The following TNRC6C variants were observed in gnomAD, a reference collection of about 807,000 sequenced individuals.
TNRC6C encodes trinucleotide repeat containing adaptor 6C.
TNRC6C carries 20 observed loss-of-function variants against 153.7 expected under a neutral mutation model. The observed-to-expected ratio is 0.13, with a 90% confidence interval of 0.09 to 0.19. The LOEUF (loss-of-function observed/expected upper bound fraction) is 0.19. Among genes scored for constraint, TNRC6C ranks in the 10% least tolerant of loss-of-function variants. TNRC6C has a pLI of 1.00. For missense variants in TNRC6C, 1,987 were observed against 2,172.0 expected, an observed-to-expected ratio of 0.91 and a Z score of 1.69; for synonymous variants, 811 against 841.4, an observed-to-expected ratio of 0.96 and a Z score of 0.63.
At chr17:78,072,042 A>G (rs1775005203) in intron 6 of TNRC6C, among the ~76,000 whole-genome samples, 1 of 152,158 alleles carries the variant, frequency 6.6e-6, no homozygotes, top group Non-Finnish European at 1.5e-5. Flanking sequence ...TCCTTATTCA[A>G]ATTAGTGTTT....
intron 1 of TNRC6C, among the ~76,000 whole-genome samples, chr17:77,991,096 G>A (rs1364142388): frequency 1.3e-5 from 2 of 152,138 alleles, no homozygotes; most frequent in African/African-American, 2.4e-5. Context: ...GGGTTACCAG[G>A]GATGTATGTT....
At chr17:78,064,317 G>A (rs1053429101) in intron 3 of TNRC6C, among the ~76,000 whole-genome samples, 1 of 152,066 alleles carries the variant, frequency 6.6e-6, no homozygotes, top group Admixed American at 6.6e-5. Context: ...GACTGGTCTC[G>A]AACTCCTGAC....
At chr17:78,055,290 G>A (rs932085969) in intron 3 of TNRC6C, among the ~76,000 whole-genome samples, 3 of 152,058 alleles carry the variant, frequency 2.0e-5, no homozygotes, top group Admixed American at 1.3e-4. Context: ...ACACAGGGCC[G>A]GGATCTTCAG....
chr17:78,070,104 A>T (rs2072963228), intron 5 of TNRC6C, among the ~76,000 whole-genome samples: 1 of 152,240 alleles, frequency 6.6e-6, no homozygotes, highest in South Asian at 2.1e-4. Context: ...CAGAAACTAA[A>T]ATCAGAGCTC....
chr17:78,030,778 A>ATCAAC (rs1241927759), intron 1 of TNRC6C, among the ~76,000 whole-genome samples: 1 of 152,242 alleles, frequency 6.6e-6, no homozygotes, highest in African/African-American at 2.4e-5. Flanking sequence ...AACCAGCAGC[A>ATCAAC]TCAACATTGT....
At chr17:77,981,946 G>A (rs2071084412) in intron 1 of TNRC6C, among the ~76,000 whole-genome samples, 2 of 152,212 alleles carry the variant, frequency 1.3e-5, no homozygotes, top group South Asian at 4.1e-4. Context: ...AGATTTGTAT[G>A]TTGAAATTCT....
At chr17:78,012,795 C>T (rs1334400527) in intron 1 of TNRC6C, among the ~76,000 whole-genome samples, 8 of 152,186 alleles carry the variant, frequency 5.3e-5, no homozygotes, top group Admixed American at 3.9e-4. Context: ...AGTGAGGACC[C>T]AGCAGATGGT....
chr17:78,076,215 CAAAAAAAAAAAGAAAAAG>C (rs1364272763), intron 8 of TNRC6C, among the ~76,000 whole-genome samples: 22 of 103,642 alleles, frequency 2.1e-4, no homozygotes, highest in Non-Finnish European at 1.4e-4. Context: ...TACTCTGTCT[CAAAAAAAAAAAGAAAAAG>C]AAAAAAAAAA....
At chr17:77,970,920 G>T (rs1319006731) in intron 1 of TNRC6C, among the ~76,000 whole-genome samples, 1 of 151,978 alleles carries the variant, frequency 6.6e-6, no homozygotes. Context: ...GAGGTGGGAG[G>T]ATCACTTGAG....
At chr17:78,106,055 GAAAAA>G (rs57845014) in exon 20 of TNRC6C, 1 of 135,342 alleles carries the variant, frequency 7.4e-6, no homozygotes, top group Non-Finnish European at 1.6e-5. Flanking sequence ...AAGTTAAAGA[GAAAAA>G]AAAAAAAAAC....
chr17:77,993,214 T>G (rs1301984681), intron 1 of TNRC6C, among the ~76,000 whole-genome samples: 2 of 152,176 alleles, frequency 1.3e-5, no homozygotes, highest in Non-Finnish European at 2.9e-5. Flanking sequence ...CACCCGCCTC[T>G]GCCTCCCAAA....
intron 1 of TNRC6C, among the ~76,000 whole-genome samples, chr17:77,962,760 A>C (rs1255432329): frequency 6.6e-6 from 1 of 152,172 alleles, no homozygotes; most frequent in Non-Finnish European, 1.5e-5. Flanking sequence ...CTCCAGCTCT[A>C]TCTCAGAGGG....
exon 4 of TNRC6C, chr17:78,064,853 G>T (rs761558789): frequency 1.2e-6 from 2 of 1,613,254 alleles, no homozygotes; most frequent in African/African-American, 2.7e-5. Flanking sequence ...CAGTGGCAGC[G>T]GGTGGGGAGA....
At chr17:78,025,651 A>AAT (rs1315352939) in intron 1 of TNRC6C, among the ~76,000 whole-genome samples, 3 of 151,956 alleles carry the variant, frequency 2.0e-5, no homozygotes, top group African/African-American at 7.2e-5. Flanking sequence ...TTATCAGGAA[A>AAT]ATATATATAT....
chr17:78,034,952 G>A lies in TNRC6C; in HGVS notation c.-219+3110G>A, dbSNP rs376879001. 2.6e-5 allele frequency among the ~76,000 whole-genome samples: 4 copies of A among 152,036 alleles called. No homozygotes were observed. The East Asian group carries it at 7.7e-4, about 29-fold the overall frequency. ...TCACTGCATTCCAGCCTGGGCAACAGGAAAAAATAAATAACGTCTCTGAGC... is the reference window on the plus strand; with the variant it reads ...TCACTGCATTCCAGCCTGGGCAACAAGAAAAAATAAATAACGTCTCTGAGC... On this transcript the variant is annotated intron_variant, in intron 2 of 19. Transcript: ENST00000301624.
intron 1 of TNRC6C, among the ~76,000 whole-genome samples, chr17:77,986,225 G>C (rs2071165254): frequency 6.6e-6 from 1 of 152,146 alleles, no homozygotes; most frequent in South Asian, 2.1e-4. Flanking sequence ...AGACCATCCT[G>C]ACCAACATGG....
At chr17:77,996,387 A>G (rs1023903814) in intron 1 of TNRC6C, among the ~76,000 whole-genome samples, 6 of 152,204 alleles carry the variant, frequency 3.9e-5, no homozygotes, top group African/African-American at 1.4e-4. Context: ...CTGGAAAACT[A>G]GGACACAACC....
At chr17:78,048,800 A>G (rs2072460740) in intron 2 of TNRC6C, 45 bp from the exon 5 acceptor site, 2 of 1,232,696 alleles carry the variant, frequency 1.6e-6, no homozygotes, top group East Asian at 3.1e-5. Flanking sequence ...TTCATTGACA[A>G]ATGAGTAGAA....
At chr17:78,056,865 T>TTTTTTTTTTTTTTTTTTTTTTTTG (rs1439622578) in intron 3 of TNRC6C, among the ~76,000 whole-genome samples, 1 of 151,884 alleles carries the variant, frequency 6.6e-6, no homozygotes. Flanking sequence ...AATTCTCTTT[T>TTTTTTTTTTTTTTTTTTTTTTTTG]ATATGAAAAA....
Sources: allele counts gnomAD v4.1 joint callset (sites outside exome capture counted in the v4.1 genomes callset), GRCh38; gene constraint gnomAD v4.1.1; transcripts MANE v1.5; gene names NCBI Gene and HGNC (gene_info 2026-07-23, HGNC 2026-07-21).